The following OR5A1 variants were observed in gnomAD, a reference collection of about 807,000 sequenced individuals.
The protein encoded by OR5A1 is olfactory receptor 5A1.
A neutral mutation model predicts 6.7 loss-of-function variants in OR5A1; 6 were observed. That is an observed-to-expected ratio of 0.89 (90% confidence interval 0.49 to 1.76). The LOEUF is 1.76. OR5A1 is among the 40% of genes most tolerant of loss of function. The probability of loss-of-function intolerance (pLI) is 0.01; values close to 1 mark genes in which losing one functional copy is unlikely to be tolerated. For synonymous variants in OR5A1, 170 were observed against 155.0 expected, an observed-to-expected ratio of 1.10 and a Z score of -0.72; for missense variants, 378 against 381.7, an observed-to-expected ratio of 0.99 and a Z score of 0.08.
chr11:59,441,209 A>G (rs1266370777), intron 1 of OR5A1, among the ~76,000 whole-genome samples: 1 of 152,224 alleles, frequency 6.6e-6, no homozygotes, highest in African/African-American at 2.4e-5. Context: ...AATGACTTCT[A>G]TAATATATAC....
At chr11:59,441,808 G>T (rs1325772984) in intron 1 of OR5A1, among the ~76,000 whole-genome samples, 1 of 152,088 alleles carries the variant, frequency 6.6e-6, no homozygotes, top group Non-Finnish European at 1.5e-5. Flanking sequence ...AATAACAACA[G>T]CAACAACAAC....
At position 59,443,629 on chromosome 11, in the gene OR5A1, G is replaced by T. The variant is rs765560979; in HGVS notation, c.461G>T (p.Gly154Val). ...CGCATGGTGGTTGGGGCATATGTTG[G>T]TGGCTTCCTGAGCTCCCTGATCCAG... ...CTRMVVGAYVGGFLSSLIQAS... is the reference protein window; with the variant it reads ...CTRMVVGAYVVGFLSSLIQAS... The change falls in exon 2 of 2, where the codon GGT (glycine) becomes GTT (valine). Residue 154 changes from glycine to valine, a missense_variant. Gly to Val is a moderately radical substitution (Grantham distance 109). Coordinates refer to ENST00000641045, the MANE Select transcript of OR5A1 (RefSeq NM_001004728.2). The T allele has an allele frequency of 6.2e-7, 1 of 1,614,020 alleles. No homozygotes were observed. Among genetic ancestry groups the T allele is most frequent in the Admixed American group, 1.7e-5 (1 of 60,006 alleles).
chr11:59,443,666 A>G lies in OR5A1; in HGVS notation c.498A>G (p.Ile166Met). 2 of 1,613,988 alleles carry G rather than the reference A, an allele frequency of 1.2e-6. No homozygotes were observed. Among genetic ancestry groups the G allele is most frequent in the Non-Finnish European group, 8.5e-7 (1 of 1,179,992 alleles). Reference sequence around the variant, plus strand: ...GCTCCCTGATCCAGGCCAGCTCCATATTTAGGCTTCACTTTTGCGGACCCA... The same window carrying G: ...GCTCCCTGATCCAGGCCAGCTCCATGTTTAGGCTTCACTTTTGCGGACCCA... ...FLSSLIQASS[I>M]FRLHFCGPNI... Residue 166 changes from isoleucine (I) to methionine (M), a missense_variant, in exon 2 of 2, where the codon ATA becomes ATG. Transcript: ENST00000641045.
Position 59,441,531 on chromosome 11 carries a change from G to T in OR5A1, c.-33-1605G>T, listed in dbSNP as rs377103392. On this transcript the variant is annotated intron_variant, in intron 1 of 1. Transcript: ENST00000641045. ...CAAGATATATTCCAAACCTTTAAGG[G>T]TCATTCACCATAAGCCACATGGCCC... Among the ~76,000 whole-genome samples, 68 of 152,202 alleles carry T rather than the reference G, an allele frequency of 4.5e-4. 1 individual carries two copies. The South Asian group carries it at 0.012, about 28-fold the overall frequency.
Position 59,449,477 on chromosome 11 carries a change from G to T in OR5A1, c.*5361G>T, listed in dbSNP as rs1367598846. The T allele has an allele frequency of 6.6e-6, 1 of 152,066 alleles. No individual in the cohort carries two copies. Among genetic ancestry groups the T allele is most frequent in the African/African-American group, 2.4e-5 (1 of 41,396 alleles). 9.4% of individuals were successfully genotyped at this position (152,066 alleles called of 1,614,324 possible). ...TAACCTAAAATACTGGGCTTCCTAA[G>T]ACACATTCAAATAAGGTAATTTTTC... On this transcript the variant is annotated 3_prime_UTR_variant, in exon 2 of 2. Transcript: ENST00000641045.
Position 59,446,851 on chromosome 11 carries a change from G to A in OR5A1, c.*2735G>A, listed in dbSNP as rs960445234. On this transcript the variant is annotated 3_prime_UTR_variant, in exon 2 of 2. Coordinates refer to ENST00000641045, the MANE Select transcript of OR5A1 (RefSeq NM_001004728.2). ...GGATAAGTAGATATTTGATTTGATT[G>A]TTCATATAACAGAATTAATTATTTC... The A allele has an allele frequency of 4.6e-5, 7 of 152,208 alleles. No individual in the cohort carries two copies. In the East Asian group the frequency reaches 1.2e-3, roughly 25 times the overall value. The allele number at this position is 152,208 out of a possible 1,614,324, so 9.4% of individuals were successfully genotyped here. A position where few individuals can be genotyped will look rare whatever the true frequency, so the allele number is the denominator to read the frequency against.
chr11:59,448,703 G>A lies in OR5A1; in HGVS notation c.*4587G>A, dbSNP rs1236009518. On this transcript the variant is annotated 3_prime_UTR_variant, in exon 2 of 2. Transcript: ENST00000641045. ...ATCACAGTTGTAAGTTCATGCTTGA[G>A]GGTGGGGTCACATCTGTCTCTTCAC... 3 of 152,068 alleles carry A rather than the reference G, an allele frequency of 2.0e-5. 1 individual carries two copies. Among genetic ancestry groups the A allele is most frequent in the Non-Finnish European group, 4.4e-5 (3 of 68,020 alleles). 9.4% of individuals were successfully genotyped at this position (152,068 alleles called of 1,614,324 possible).
intron 1 of OR5A1, among the ~76,000 whole-genome samples, chr11:59,442,749 G>C (rs1858494415): frequency 6.6e-6 from 1 of 152,196 alleles, no homozygotes; most frequent in Non-Finnish European, 1.5e-5. Context: ...ACACAGAACT[G>C]TCCTAATAAT....
In OR5A1 at chr11:59,445,041, C is replaced by G. The variant is rs544087874; in HGVS notation, c.*925C>G. 6.6e-6 allele frequency: 1 copy of G among 152,052 alleles called. No homozygotes were observed. Among genetic ancestry groups the G allele is most frequent in the Admixed American group, 6.6e-5 (1 of 15,266 alleles). 9.4% of individuals were successfully genotyped at this position (152,052 alleles called of 1,614,324 possible). A position where few individuals can be genotyped will look rare whatever the true frequency, so the allele number is the denominator to read the frequency against. ...TATTTTAAGTTCCGGGATACATATGCAGGATGTGCAGGTTTGTTACATAGG... is the reference window on the plus strand; with the variant it reads ...TATTTTAAGTTCCGGGATACATATGGAGGATGTGCAGGTTTGTTACATAGG... On this transcript the variant is annotated 3_prime_UTR_variant, in exon 2 of 2. Transcript: ENST00000641045.
intron 1 of OR5A1, among the ~76,000 whole-genome samples, chr11:59,442,055 G>C (rs983717128): frequency 3.9e-5 from 6 of 152,150 alleles, no homozygotes; most frequent in Admixed American, 3.3e-4. Flanking sequence ...ATTTTACAGA[G>C]AGAGAGAGTT....
Position 59,451,284 on chromosome 11 carries a change from C to T in OR5A1, c.*7168C>T, listed in dbSNP as rs1342325022. ...AGAGACAGGATCTTCCTATGTTGCC[C>T]AGGCTGGTCTCAAACTCATGAGCTC... On this transcript the variant is annotated 3_prime_UTR_variant, in exon 2 of 2. Coordinates refer to ENST00000641045, the MANE Select transcript of OR5A1 (RefSeq NM_001004728.2). The T allele has an allele frequency of 2.0e-5, 3 of 152,054 alleles. No homozygotes were observed. Among genetic ancestry groups the T allele is most frequent in the African/African-American group, 7.2e-5 (3 of 41,394 alleles). 9.4% of individuals were successfully genotyped at this position (152,054 alleles called of 1,614,324 possible).
chr11:59,445,886 A>C lies in OR5A1; in HGVS notation c.*1770A>C, dbSNP rs1341496737. ...TGTTTTTTTCTTGTAAATTTGTTTAAGTTACCTTTGTCAGATAGATAGATT... is the reference window on the plus strand; with the variant it reads ...TGTTTTTTTCTTGTAAATTTGTTTACGTTACCTTTGTCAGATAGATAGATT... On this transcript the variant is annotated 3_prime_UTR_variant, in exon 2 of 2. Coordinates refer to ENST00000641045, the MANE Select transcript of OR5A1 (RefSeq NM_001004728.2). The C allele has an allele frequency of 6.6e-6, 1 of 151,684 alleles. No individual in the cohort carries two copies. The highest frequency in any genetic ancestry group is 1.5e-5 in the Non-Finnish European group (1 of 67,810). 9.4% of individuals were successfully genotyped at this position (151,684 alleles called of 1,614,324 possible).
In OR5A1 at chr11:59,441,935, AGAT is replaced by A. The variant is rs556412182; in HGVS notation, c.-33-1197_-33-1195del. Among the ~76,000 whole-genome samples, 15 of 140,336 alleles carry A rather than the reference AGAT, an allele frequency of 1.1e-4. No homozygotes were observed. In the East Asian group the frequency reaches 1.2e-3, roughly 12 times the overall value. 92.1% of individuals were successfully genotyped at this position (140,336 alleles called of 152,430 possible). ...GACAGATAGATAAAGATGGATAGAG[AGAT>A]GATAGATAGATAGATAGATAGATAG... is the stretch of plus-strand genomic sequence containing the variant. On this transcript the variant is annotated intron_variant, in intron 1 of 1. Coordinates refer to ENST00000641045, the MANE Select transcript of OR5A1 (RefSeq NM_001004728.2).
intron 1 of OR5A1, among the ~76,000 whole-genome samples, chr11:59,442,891 G>T (rs1402803388): frequency 6.6e-6 from 1 of 152,212 alleles, no homozygotes; most frequent in African/African-American, 2.4e-5. Context: ...GTGGAGGCAG[G>T]AGTTGATCCC....
At chr11:59,442,417 G>A (rs1858491400) in intron 1 of OR5A1, among the ~76,000 whole-genome samples, 1 of 151,928 alleles carries the variant, frequency 6.6e-6, no homozygotes, top group Non-Finnish European at 1.5e-5. Context: ...ACTCTAGCCT[G>A]GGCAACAAGA....
intron 1 of OR5A1, among the ~76,000 whole-genome samples, chr11:59,437,395 T>G (rs999089212): frequency 1.3e-5 from 2 of 152,176 alleles, no homozygotes; most frequent in African/African-American, 4.8e-5. Context: ...TAGTTTTGCT[T>G]TTTCCAATAT....
chr11:59,441,943 G>A (rs1404810856), intron 1 of OR5A1, among the ~76,000 whole-genome samples: 3 of 41,970 alleles, frequency 7.1e-5, no homozygotes, highest in African/African-American at 2.2e-4. Context: ...AGAGATGATA[G>A]ATAGATAGAT....
At chr11:59,440,516 C>T (rs1186521049) in intron 1 of OR5A1, among the ~76,000 whole-genome samples, 3 of 152,228 alleles carry the variant, frequency 2.0e-5, no homozygotes, top group African/African-American at 7.2e-5. Flanking sequence ...GATCAAACCA[C>T]TACCTTCTCC....
intron 1 of OR5A1, among the ~76,000 whole-genome samples, chr11:59,438,736 C>T (rs1858449594): frequency 6.6e-6 from 1 of 152,198 alleles, no homozygotes; most frequent in African/African-American, 2.4e-5. Context: ...ATTTAGAAGG[C>T]CTGTAATCCA....
Sources: gnomAD v4.1 joint callset for allele counts (sites outside exome capture counted in the v4.1 genomes callset) on GRCh38, gnomAD v4.1.1 for gene constraint, MANE v1.5 for transcripts, NCBI Gene and HGNC (gene_info 2026-07-23, HGNC 2026-07-21) for gene names.